The following UBE4B variants were observed in gnomAD, a reference collection of about 807,000 sequenced individuals.
UBE4B encodes ubiquitination factor E4B, also known as ubiquitin conjugation factor E4 B.
UBE4B carries 27 observed loss-of-function variants against 148.1 expected under a neutral mutation model. That is an observed-to-expected ratio of 0.18 (90% CI 0.13 to 0.25). The LOEUF (loss-of-function observed/expected upper bound fraction) is 0.25. UBE4B is among the 10% of genes least tolerant of loss of function. The pLI is 1.00. For synonymous variants in UBE4B, 596 were observed against 619.3 expected, an observed-to-expected ratio of 0.96 and a Z score of 0.56; for missense variants, 1,170 against 1,662.4, an observed-to-expected ratio of 0.70 and a Z score of 5.15.
At chr1:10,073,536 A>G (rs1644522756) in intron 2 of UBE4B, among the ~76,000 whole-genome samples, 1 of 152,142 alleles carries the variant, frequency 6.6e-6, no homozygotes, top group African/African-American at 2.4e-5. Context: ...AGCCTAGCCA[A>G]CATGGTGAAA....
chr1:10,151,366 A>G lies in UBE4B; in HGVS notation c.2731A>G (p.Ile911Val). Residue 911 changes from isoleucine to valine, a missense_variant, in exon 21 of 28, where the codon ATT becomes GTT. Physicochemically the swap from Ile to Val is conservative, Grantham distance 29. Coordinates refer to ENST00000343090, the MANE Select transcript of UBE4B (RefSeq NM_001105562.3). Reference protein sequence around the residue: ...QALYEPCTQDIVMFLVVMLCN... With the variant: ...QALYEPCTQDVVMFLVVMLCN... ...GCTTTATGAGCCCTGTACTCAGGAT[A>G]TTGTGATGTTCCTTGTTGTGATGTT... 1 of 1,614,068 alleles carries G rather than the reference A, an allele frequency of 6.2e-7. No individual in the cohort carries two copies. Among genetic ancestry groups the G allele is most frequent in the Non-Finnish European group, 8.5e-7 (1 of 1,180,006 alleles).
At chr1:10,131,812 G>A (rs1645598336) in intron 14 of UBE4B, among the ~76,000 whole-genome samples, 2 of 152,296 alleles carry the variant, frequency 1.3e-5, no homozygotes, top group South Asian at 4.1e-4. Context: ...AATTAGCTGG[G>A]CATGGTGGCG....
At chr1:10,057,932 G>A (rs1644207328) in intron 1 of UBE4B, among the ~76,000 whole-genome samples, 1 of 152,128 alleles carries the variant, frequency 6.6e-6, no homozygotes, top group Admixed American at 6.6e-5. Flanking sequence ...GGGTATGTAG[G>A]TAAAGAGAGG....
At chr1:10,044,420 C>T (rs1643874461) in intron 1 of UBE4B, among the ~76,000 whole-genome samples, 2 of 152,046 alleles carry the variant, frequency 1.3e-5, no homozygotes, top group South Asian at 2.1e-4. Context: ...ACCTTTTTGG[C>T]ACCAGGGACT....
intron 1 of UBE4B, among the ~76,000 whole-genome samples, chr1:10,070,236 T>C (rs1210824727): frequency 6.6e-6 from 1 of 151,472 alleles, no homozygotes; most frequent in African/African-American, 2.4e-5. Context: ...ATGGTGCCAT[T>C]GTACTCCAGC....
At chr1:10,036,032 C>T (rs1284137024) in intron 1 of UBE4B, among the ~76,000 whole-genome samples, 1 of 151,812 alleles carries the variant, frequency 6.6e-6, no homozygotes, top group Non-Finnish European at 1.5e-5. Context: ...GTGTGAGCCA[C>T]CGCGCCCGGC....
At chr1:10,076,443 C>T (rs1459920441) in intron 2 of UBE4B, among the ~76,000 whole-genome samples, 1 of 151,910 alleles carries the variant, frequency 6.6e-6, no homozygotes, top group Non-Finnish European at 1.5e-5. Context: ...GGGGTTTCGC[C>T]ATGTTGGCCA....
Position 10,135,201 on chromosome 1 carries a change from C to A in UBE4B, c.2224+15C>A. The A allele has an allele frequency of 6.2e-7, 1 of 1,606,944 alleles. No homozygotes were observed. The highest frequency in any genetic ancestry group is 2.2e-5 in the East Asian group (1 of 44,620). ...GACTGAACTCTGTGAGTACTGTGTT[C>A]GTGACTCGGTCATTAAAACACTGCC... On this transcript the variant is annotated intron_variant, in intron 16 of 27. Coordinates refer to ENST00000343090, the MANE Select transcript of UBE4B (RefSeq NM_001105562.3).
intron 18 of UBE4B, among the ~76,000 whole-genome samples, 163 bp from the exon 19 acceptor site, chr1:10,146,800 A>T (rs1645880291): frequency 6.6e-6 from 1 of 152,108 alleles, no homozygotes; most frequent in Non-Finnish European, 1.5e-5. Flanking sequence ...CTCAGGAAAA[A>T]GGTCTTGAGA....
At chr1:10,068,766 C>T (rs1471234342) in intron 1 of UBE4B, among the ~76,000 whole-genome samples, 1 of 152,156 alleles carries the variant, frequency 6.6e-6, no homozygotes, top group Non-Finnish European at 1.5e-5. Context: ...TCCAGATATT[C>T]CCAGGGCCTC....
At chr1:10,043,209 A>G (rs926601505) in intron 1 of UBE4B, among the ~76,000 whole-genome samples, 7 of 151,582 alleles carry the variant, frequency 4.6e-5, no homozygotes, top group Admixed American at 4.6e-4. Context: ...GAGTTTTACC[A>G]TGTTGACCAG....
Position 10,171,444 on chromosome 1 carries a change from G to C in UBE4B, c.3525+115G>C, listed in dbSNP as rs534508442. 3 of 1,298,540 alleles carry C rather than the reference G, an allele frequency of 2.3e-6. No homozygotes were observed. The African/African-American group carries it at 4.4e-5, about 19-fold the overall frequency. 80.4% of individuals were successfully genotyped at this position (1,298,540 alleles called of 1,614,324 possible). A position where few individuals can be genotyped will look rare whatever the true frequency, so the allele number is the denominator to read the frequency against. On this transcript the variant is annotated intron_variant, in intron 25 of 27. Coordinates refer to ENST00000343090, the MANE Select transcript of UBE4B (RefSeq NM_001105562.3). ...GAAGATGAGTGGGTTGTTTTCCTTTGAGTGTGAAGAGCAGATTTGGGCTGG... is the reference window on the plus strand; with the variant it reads ...GAAGATGAGTGGGTTGTTTTCCTTTCAGTGTGAAGAGCAGATTTGGGCTGG...
intron 25 of UBE4B, among the ~76,000 whole-genome samples, chr1:10,176,485 C>T (rs1377819061): frequency 6.6e-6 from 1 of 152,110 alleles, no homozygotes; most frequent in Non-Finnish European, 1.5e-5. Flanking sequence ...AGTTTCCATT[C>T]TTTTTCATTT....
rs371001783 is a variant in UBE4B at position 10,142,858 on chromosome 1, A to G, written c.2364-2082A>G. Among the ~76,000 whole-genome samples the G allele has an allele frequency of 3.3e-5, 5 of 151,772 alleles. No homozygotes were observed. The East Asian group carries it at 9.8e-4, about 30-fold the overall frequency. ...CTCCTTCGCTTGCCTGGTGTATCGC[A>G]GCACTTTGGGAGGCTGAGGTGGGTG... On this transcript the variant is annotated intron_variant, in intron 17 of 27. Transcript: ENST00000343090.
chr1:10,100,954 G>A, intron 3 of UBE4B, 154 bp from the exon 4 acceptor site: 1 of 634,644 alleles, frequency 1.6e-6, no homozygotes, highest in Non-Finnish European at 2.7e-6. Context: ...AATTTATGAA[G>A]AACTCTTAAA....
intron 23 of UBE4B, among the ~76,000 whole-genome samples, chr1:10,165,241 T>G (rs988578354): frequency 2.6e-5 from 4 of 152,190 alleles, no homozygotes; most frequent in African/African-American, 7.2e-5. Context: ...AAATGGCGCC[T>G]TCATTCTACC....
At chr1:10,036,180 G>T (rs1374325483) in intron 1 of UBE4B, among the ~76,000 whole-genome samples, 7 of 151,692 alleles carry the variant, frequency 4.6e-5, no homozygotes, top group Admixed American at 3.9e-4. Flanking sequence ...AACCAGTGAG[G>T]CATTACAGAC....
At chr1:10,117,155 A>G (rs960297406) in intron 7 of UBE4B, among the ~76,000 whole-genome samples, 1 of 152,188 alleles carries the variant, frequency 6.6e-6, no homozygotes, top group Non-Finnish European at 1.5e-5. Context: ...CTTTTTGGTT[A>G]AAGTACCTGT....
chr1:10,035,230 C>G (rs1235658267), intron 1 of UBE4B, among the ~76,000 whole-genome samples: 1 of 151,496 alleles, frequency 6.6e-6, no homozygotes, highest in Admixed American at 6.6e-5. Context: ...ATCTCTTGAC[C>G]TCGTGATGCA....
Sources: allele counts gnomAD v4.1 joint callset (sites outside exome capture counted in the v4.1 genomes callset), GRCh38; gene constraint gnomAD v4.1.1; transcripts MANE v1.5; gene names NCBI Gene and HGNC (gene_info 2026-07-23, HGNC 2026-07-21).